Variants in TBCE observed in about 807,000 individuals in gnomAD.
TBCE encodes tubulin-specific chaperone E.
A neutral mutation model predicts 77.0 loss-of-function variants in TBCE; 53 were observed. That is an observed-to-expected ratio of 0.69 (90% CI 0.55 to 0.87). TBCE has a LOEUF of 0.87. Ranked by LOEUF, TBCE falls within the 40% of genes least tolerant of loss-of-function variation. The probability of loss-of-function intolerance (pLI) is 0.00; values close to 1 mark genes in which losing one functional copy is unlikely to be tolerated. For synonymous variants in TBCE, 235 were observed against 241.3 expected (o/e 0.97, Z 0.24); for missense variants, 624 against 622.4 (o/e 1.00, Z -0.03).
chr1:235,413,143 T>A (rs1408839935), intron 3 of TBCE, among the ~76,000 whole-genome samples: 1 of 152,154 alleles, frequency 6.6e-6, no homozygotes, highest in Non-Finnish European at 1.5e-5. Context: ...TTTCTTTCTT[T>A]AAGAGTTAAT....
At chr1:235,440,077 TCTC>T (rs1681749421) in intron 13 of TBCE, among the ~76,000 whole-genome samples, 1 of 152,036 alleles carries the variant, frequency 6.6e-6, no homozygotes, top group African/African-American at 2.4e-5. Context: ...TTCACGCCAT[TCTC>T]CTGCCTCAGC....
Position 235,404,001 on chromosome 1 carries a change from G to A in TBCE, c.185+2414G>A, listed in dbSNP as rs189853652. ...GTACAGTAAAAATAAAAAATTGGCC[G>A]GGTGCGTTGGCTCACGCCTGTAATC... On this transcript the variant is annotated intron_variant, in intron 3 of 16. Coordinates refer to ENST00000642610, the MANE Select transcript of TBCE (RefSeq NM_003193.5). 4.0e-3 allele frequency among the ~76,000 whole-genome samples: 605 copies of A among 152,230 alleles called. 4 individuals are homozygous for A. Among genetic ancestry groups the A allele is most frequent in the African/African-American group, 0.014 (576 of 41,556 alleles).
intron 1 of TBCE, among the ~76,000 whole-genome samples, chr1:235,369,039 T>G (rs961627623): frequency 1.3e-5 from 2 of 152,280 alleles, no homozygotes; most frequent in East Asian, 3.9e-4. Context: ...GCTCTTGTTA[T>G]CACCTTCACT....
intron 2 of TBCE, among the ~76,000 whole-genome samples, chr1:235,395,207 T>G (rs1189902876): frequency 6.6e-6 from 1 of 152,192 alleles, no homozygotes; most frequent in Non-Finnish European, 1.5e-5. Context: ...TCTGGATTGT[T>G]GGATTAATTC....
intron 13 of TBCE, chr1:235,440,810 G>T (rs967758220): frequency 5.3e-5 from 8 of 152,184 alleles, no homozygotes; most frequent in African/African-American, 1.9e-4. Flanking sequence ...CTGGCACTTG[G>T]CATGCACGGT....
At chr1:235,421,552 A>G (rs929825399) in intron 5 of TBCE, among the ~76,000 whole-genome samples, 1 of 152,016 alleles carries the variant, frequency 6.6e-6, no homozygotes, top group African/African-American at 2.4e-5. Flanking sequence ...TACTAAAAAT[A>G]CAAAAATTAG....
chr1:235,421,133 G>T (rs1210960601), intron 5 of TBCE, among the ~76,000 whole-genome samples: 1 of 152,198 alleles, frequency 6.6e-6, no homozygotes, highest in Non-Finnish European at 1.5e-5. Flanking sequence ...TTAAGGATGG[G>T]CATGGTGGCT....
chr1:235,440,069 C>T (rs1681747514), intron 13 of TBCE, among the ~76,000 whole-genome samples: 2 of 152,168 alleles, frequency 1.3e-5, no homozygotes, highest in South Asian at 4.1e-4. Flanking sequence ...CTCCCGGGTT[C>T]ACGCCATTCT....
chr1:235,387,902 T>G (rs542553243), intron 2 of TBCE, among the ~76,000 whole-genome samples: 2 of 152,262 alleles, frequency 1.3e-5, no homozygotes, highest in East Asian at 3.9e-4. Flanking sequence ...GGCTACTCCA[T>G]AGACAGAGCA....
chr1:235,451,472 C>CAAAAAAAAAAAAAA lies in TBCE; in HGVS notation c.*2717_*2730dup, dbSNP rs11464279. 1 of 83,064 alleles carries CAAAAAAAAAAAAAA rather than the reference C, an allele frequency of 1.2e-5. No individual in the cohort carries two copies. The highest frequency in any genetic ancestry group is 4.7e-5 in the African/African-American group (1 of 21,224). 5.1% of individuals were successfully genotyped at this position (83,064 alleles called of 1,614,324 possible). Reference sequence around the variant, plus strand: ...AGTTTCCAAAGACATGAGATGGTCACAAAAAAAAAAAAAAAAAAAAGACCG... The same window carrying CAAAAAAAAAAAAAA: ...AGTTTCCAAAGACATGAGATGGTCACAAAAAAAAAAAAAAAAAAAAAAAAAAAAAAAAAAGACCG... On this transcript the variant is annotated 3_prime_UTR_variant, in exon 17 of 17. Coordinates refer to ENST00000642610, the MANE Select transcript of TBCE (RefSeq NM_003193.5).
intron 4 of TBCE, chr1:235,414,850 G>C: frequency 2.0e-6 from 1 of 512,656 alleles, no homozygotes; most frequent in Admixed American, 3.2e-5. Flanking sequence ...ATATTTATTG[G>C]CCCATTATTA....
chr1:235,388,411 C>T (rs1349008685), intron 2 of TBCE, among the ~76,000 whole-genome samples: 1 of 151,522 alleles, frequency 6.6e-6, no homozygotes, highest in Non-Finnish European at 1.5e-5. Context: ...GCCTCAGCCT[C>T]CCGAGTAGCT....
In TBCE at chr1:235,390,108, A is replaced by G. The variant is rs552148913; in HGVS notation, c.100+9959A>G. 4.6e-5 allele frequency among the ~76,000 whole-genome samples: 7 copies of G among 152,060 alleles called. No individual in the cohort carries two copies. The East Asian group carries it at 1.4e-3, about 29-fold the overall frequency. On this transcript the variant is annotated intron_variant, in intron 2 of 16. Coordinates refer to ENST00000642610, the MANE Select transcript of TBCE (RefSeq NM_003193.5). ...ATCACTCCATTCCAGCCTGGGTGAC[A>G]GAGTAAGACTGTCTCAAAAAAAAAA...
chr1:235,385,633 T>C (rs1257286648), intron 2 of TBCE, among the ~76,000 whole-genome samples: 1 of 152,182 alleles, frequency 6.6e-6, no homozygotes, highest in African/African-American at 2.4e-5. Context: ...GAGACTAGGA[T>C]TGCAACCCCT....
At chr1:235,418,010 G>C (rs752470964) in intron 4 of TBCE, among the ~76,000 whole-genome samples, 1 of 152,088 alleles carries the variant, frequency 6.6e-6, no homozygotes, top group African/African-American at 2.4e-5. Context: ...TCGAACTCCT[G>C]ACCCCAGGTG....
At chr1:235,370,280 T>G (rs182898436) in intron 1 of TBCE, among the ~76,000 whole-genome samples, 80 of 148,868 alleles carry the variant, frequency 5.4e-4, no homozygotes, top group African/African-American at 1.9e-3. Flanking sequence ...CTGAGACGGA[T>G]TCTTGCTCTG....
intron 2 of TBCE, among the ~76,000 whole-genome samples, chr1:235,398,715 T>A (rs1678899622): frequency 6.9e-6 from 1 of 144,334 alleles, no homozygotes; most frequent in Non-Finnish European, 1.5e-5. Context: ...GTTGAAGCAG[T>A]CCTCCCACCT....
At position 235,425,558 on chromosome 1, in the gene TBCE, AC is replaced by A. The variant is rs542323190; in HGVS notation, c.461-1580del. Among the ~76,000 whole-genome samples the A allele has an allele frequency of 6.4e-4, 98 of 152,274 alleles. 1 individual carries two copies. Among genetic ancestry groups the A allele is most frequent in the Admixed American group, 4.2e-3 (64 of 15,294 alleles). ...GAGTGATTTTTAAAGGACCCAGGTCACCTGTCGCTGTTTCAAAGCCTCCAAT... is the reference window on the plus strand; with the variant it reads ...GAGTGATTTTTAAAGGACCCAGGTCACTGTCGCTGTTTCAAAGCCTCCAAT... On this transcript the variant is annotated intron_variant, in intron 5 of 16. Transcript: ENST00000642610.
chr1:235,448,182 A>G (rs1037347990), intron 15 of TBCE, among the ~76,000 whole-genome samples, 167 bp from the exon 16 acceptor site: 2 of 149,878 alleles, frequency 1.3e-5, no homozygotes, highest in Non-Finnish European at 3.0e-5. Flanking sequence ...CCTGGGCGAC[A>G]GAGCAAGACT....
Sources: allele counts gnomAD v4.1 joint callset (sites outside exome capture counted in the v4.1 genomes callset), GRCh38; gene constraint gnomAD v4.1.1; transcripts MANE v1.5; gene names NCBI Gene and HGNC (gene_info 2026-07-23, HGNC 2026-07-21).